The following CEP112 variants were observed in gnomAD, a reference collection of about 807,000 sequenced individuals.
The protein encoded by CEP112 is centrosomal protein 112.
CEP112 carries 127 observed loss-of-function variants against 153.0 expected under a neutral mutation model. The observed-to-expected ratio is 0.83, with a 90% CI of 0.72 to 0.96. The LOEUF is 0.96. Among genes scored for constraint, CEP112 ranks in the 40% least tolerant of loss-of-function variants. CEP112 has a pLI of 0.00. For synonymous variants in CEP112, 358 were observed against 374.4 expected (o/e 0.96, Z 0.51); for missense variants, 1,089 against 1,101.2 (o/e 0.99, Z 0.16).
At chr17:66,039,832 A>C (rs1185415523) in intron 12 of CEP112, among the ~76,000 whole-genome samples, 1 of 152,162 alleles carries the variant, frequency 6.6e-6, no homozygotes, top group Admixed American at 6.5e-5. Flanking sequence ...GGAATCACAC[A>C]GTATGTAACT....
At chr17:65,913,711 T>A in intron 19 of CEP112, 1 of 985,422 alleles carries the variant, frequency 1.0e-6, no homozygotes, top group Admixed American at 6.1e-5. Flanking sequence ...TTATTCCTTT[T>A]CCTCTCCAGC....
chr17:65,706,691 T>C (rs866093408), intron 23 of CEP112, among the ~76,000 whole-genome samples: 4 of 152,178 alleles, frequency 2.6e-5, no homozygotes, highest in South Asian at 2.1e-4. Flanking sequence ...CACCTAGTTA[T>C]CCAAATCAGG....
At chr17:65,644,259 G>C in intron 24 of CEP112, 1 of 601,330 alleles carries the variant, frequency 1.7e-6, no homozygotes, top group South Asian at 2.0e-5. Flanking sequence ...ATCCTTATCT[G>C]TTTAGAATGT....
chr17:66,084,683 AG>A, intron 8 of CEP112, among the ~76,000 whole-genome samples: 2 of 151,940 alleles, frequency 1.3e-5, no homozygotes, highest in East Asian at 1.9e-4. Flanking sequence ...GTGGGAAGGC[AG>A]GGGGGGAGTT....
intron 15 of CEP112, among the ~76,000 whole-genome samples, chr17:66,027,847 A>G (rs1194245460): frequency 6.6e-6 from 1 of 152,168 alleles, no homozygotes; most frequent in Non-Finnish European, 1.5e-5. Context: ...TGACCAAGTC[A>G]ATAAATATGG....
intron 20 of CEP112, among the ~76,000 whole-genome samples, chr17:65,878,767 A>T (rs72831465): frequency 0.05 from 7,655 of 151,980 alleles, 282 homozygotes; most frequent in South Asian, 0.12. Context: ...CTGCATACAG[A>T]GGGGTTGGAC....
At chr17:65,777,386 C>T (rs183626602) in intron 21 of CEP112, among the ~76,000 whole-genome samples, 4 of 152,232 alleles carry the variant, frequency 2.6e-5, no homozygotes, top group Admixed American at 6.5e-5. Flanking sequence ...TGAATACACC[C>T]CTGGTTTATT....
intron 8 of CEP112, among the ~76,000 whole-genome samples, chr17:66,094,076 T>C (rs2068243140): frequency 1.3e-5 from 2 of 152,144 alleles, no homozygotes; most frequent in South Asian, 4.1e-4. Flanking sequence ...TTTATTTATT[T>C]TGAGATGGAG....
intron 17 of CEP112, among the ~76,000 whole-genome samples, chr17:65,990,863 G>A (rs2063570044): frequency 1.3e-5 from 2 of 152,224 alleles, no homozygotes; most frequent in Admixed American, 1.3e-4. Context: ...CATCTGGCAT[G>A]GAGAAATCTG....
chr17:65,704,035 G>A (rs756196147), intron 23 of CEP112, among the ~76,000 whole-genome samples: 2 of 151,784 alleles, frequency 1.3e-5, no homozygotes, highest in Non-Finnish European at 2.9e-5. Context: ...ATAATCAGAC[G>A]AGGTCACCCT....
chr17:65,888,451 G>A (rs1011038148), intron 20 of CEP112, among the ~76,000 whole-genome samples: 2 of 151,920 alleles, frequency 1.3e-5, no homozygotes, highest in African/African-American at 4.8e-5. Context: ...ACAAATGAAG[G>A]AACAAAGAGA....
intron 20 of CEP112, among the ~76,000 whole-genome samples, chr17:65,900,458 T>A (rs1177819654): frequency 6.6e-6 from 1 of 152,148 alleles, no homozygotes; most frequent in Admixed American, 6.6e-5. Flanking sequence ...AGAACTAAAA[T>A]TTCCCTTTTG....
chr17:65,697,551 C>A (rs1417789609), intron 23 of CEP112, among the ~76,000 whole-genome samples: 1 of 151,322 alleles, frequency 6.6e-6, no homozygotes, highest in African/African-American at 2.4e-5. Context: ...TTTTTTTAAT[C>A]ATATTGTAAA....
intron 21 of CEP112, among the ~76,000 whole-genome samples, chr17:65,801,086 T>C (rs1346352057): frequency 6.6e-6 from 1 of 151,242 alleles, no homozygotes; most frequent in Non-Finnish European, 1.5e-5. Context: ...CTTCATCTTC[T>C]TTTTTTTGTC....
At chr17:66,111,470 G>A (rs544129301) in intron 6 of CEP112, among the ~76,000 whole-genome samples, 8 of 152,204 alleles carry the variant, frequency 5.3e-5, no homozygotes, top group Admixed American at 3.3e-4. Context: ...CACCAATGAC[G>A]GATTGGATAA....
intron 20 of CEP112, among the ~76,000 whole-genome samples, chr17:65,886,678 A>G (rs1223162578): frequency 6.6e-6 from 1 of 152,194 alleles, no homozygotes; most frequent in Non-Finnish European, 1.5e-5. Flanking sequence ...CACATGTGGT[A>G]GTTAAAATGC....
At chr17:65,735,266 A>G (rs980996764) in intron 23 of CEP112, among the ~76,000 whole-genome samples, 1 of 152,204 alleles carries the variant, frequency 6.6e-6, no homozygotes, top group African/African-American at 2.4e-5. Flanking sequence ...CATCTGCCAA[A>G]TACTCAATTG....
intron 24 of CEP112, among the ~76,000 whole-genome samples, chr17:65,678,064 C>T (rs1001146929): frequency 1.3e-5 from 2 of 152,122 alleles, no homozygotes; most frequent in Non-Finnish European, 2.9e-5. Context: ...AGTGGCCCCT[C>T]GGAATGTTTG....
intron 6 of CEP112, among the ~76,000 whole-genome samples, chr17:66,100,480 G>A (rs1373955217): frequency 1.3e-5 from 2 of 149,156 alleles, no homozygotes; most frequent in Non-Finnish European, 3.0e-5. Flanking sequence ...ATAAAGATAG[G>A]ACCTGAAGCC....
Sources: allele counts gnomAD v4.1 joint callset (sites outside exome capture counted in the v4.1 genomes callset), GRCh38; gene constraint gnomAD v4.1.1; transcripts MANE v1.5; gene names NCBI Gene and HGNC (gene_info 2026-07-23, HGNC 2026-07-21).